MACF1: variants seen among roughly 807,000 people sequenced by gnomAD.
The protein encoded by MACF1 is microtubule actin crosslinking factor 1, also known as microtubule-actin cross-linking factor 1.
A neutral mutation model predicts 854.8 loss-of-function variants in MACF1; 193 were observed. The ratio of observed to expected loss-of-function variants is 0.23; its 90% CI spans 0.20 to 0.25. MACF1 has a LOEUF of 0.25. Among genes scored for constraint, MACF1 ranks in the 10% least tolerant of loss-of-function variants. The probability of loss-of-function intolerance (pLI) is 1.00; values close to 1 mark genes in which losing one functional copy is unlikely to be tolerated. For synonymous variants in MACF1, 3,185 were observed against 3,226.7 expected (o/e 0.99, Z 0.44); for missense variants, 7,722 against 8,929.1 (o/e 0.86, Z 5.45).
At chr1:39,480,100 G>A in intron 98 of MACF1, 91 bp downstream of exon 98, 1 of 1,192,548 alleles carries the variant, frequency 8.4e-7, no homozygotes, top group Non-Finnish European at 1.2e-6. Context: ...ACTCCAGTGA[G>A]GAGAAGAAAT....
intron 26 of MACF1, among the ~76,000 whole-genome samples, chr1:39,312,756 T>C (rs1384540365): frequency 2.0e-5 from 3 of 148,538 alleles, no homozygotes; most frequent in African/African-American, 7.5e-5. Context: ...ACCCGGGAGG[T>C]GGAGGTTGCA....
At chr1:39,201,151 C>T (rs939146243), upstream of MACF1, among the ~76,000 whole-genome samples, 1 of 152,152 alleles carries the variant, frequency 6.6e-6, no homozygotes, top group African/African-American at 2.4e-5. Flanking sequence ...CTGCTCATTC[C>T]ACAACCAATC....
At chr1:39,093,866 C>T (rs1641873039) in intron 2 of MACF1, among the ~76,000 whole-genome samples, 1 of 151,990 alleles carries the variant, frequency 6.6e-6, no homozygotes, top group African/African-American at 2.4e-5. Context: ...TGGCTCACTG[C>T]AACCTCTGCC....
At chr1:39,411,878 G>A in intron 58 of MACF1, 1 of 1,613,842 alleles carries the variant, frequency 6.2e-7, no homozygotes. Flanking sequence ...TTGGATTGTG[G>A]ATATTTTAAT....
chr1:39,368,031 A>G (rs1313311321), intron 49 of MACF1, 117 bp from the exon 50 acceptor site: 1 of 655,306 alleles, frequency 1.5e-6, no homozygotes, highest in Non-Finnish European at 2.5e-6. Flanking sequence ...ACTGAGTTGC[A>G]TATTTATTGT....
At chr1:39,365,413 A>C (rs1486962734) in intron 49 of MACF1, among the ~76,000 whole-genome samples, 1 of 152,122 alleles carries the variant, frequency 6.6e-6, no homozygotes, top group Middle Eastern at 3.2e-3. Flanking sequence ...CATGACACTC[A>C]AGAGGTCATG....
In MACF1 at chr1:39,287,469, G is replaced by T. The variant is rs756223535; in HGVS notation, c.1692G>T (p.Met564Ile). The T allele has an allele frequency of 6.2e-6, 10 of 1,614,062 alleles. No individual in the cohort carries two copies. The highest frequency in any genetic ancestry group is 7.6e-6 in the Non-Finnish European group (9 of 1,180,036). Residue 564 changes from methionine to isoleucine, a missense_variant, in exon 15 of 101, where the codon ATG (methionine) becomes ATT (isoleucine). Met to Ile is a conservative substitution (Grantham distance 10). Around this residue, in one of 15 missense-constraint regions of MACF1, gnomAD observed 1,137 missense variants for 1,263.0 expected, o/e 0.90. Transcript: ENST00000564288. ...CTACCTCCTGGTTCCGAAAGCCTAT[G>T]ACTCGGGCTGAACTTGTGGCCATCA... ...SSSTSWFRKP[M>I]TRAELVAISS...
intron 93 of MACF1, among the ~76,000 whole-genome samples, chr1:39,462,521 A>G (rs190874838): frequency 1.3e-5 from 2 of 149,212 alleles, no homozygotes; most frequent in Non-Finnish European, 1.5e-5. Context: ...CCTGGGCAAC[A>G]TAGTATGATT....
In MACF1 at chr1:39,429,886, A is replaced by G. The variant is rs748799816; in HGVS notation, c.16948A>G (p.Ile5650Val). The G allele has an allele frequency of 1.9e-6, 3 of 1,614,026 alleles. No homozygotes were observed. The highest frequency in any genetic ancestry group is 1.3e-5 in the African/African-American group (1 of 74,930). ...TGGTATAAAGACTCGTTACGCAGAC[A>G]TCACAGTTACTAGCTCCAAGGCCCT... ...LDGIKTRYADITVTSSKALRT... is the reference protein window; with the variant it reads ...LDGIKTRYADVTVTSSKALRT... The change falls in exon 65 of 101, where the codon ATC (isoleucine) becomes GTC (valine). Residue 5650 changes from isoleucine (I) to valine (V), a missense_variant. This residue lies in a region of MACF1 where 2,807 missense variants were observed against 3,235.8 expected (regional missense o/e 0.87). Transcript: ENST00000564288.
At chr1:39,271,468 C>T (rs1435922740) in intron 6 of MACF1, among the ~76,000 whole-genome samples, 2 of 152,158 alleles carry the variant, frequency 1.3e-5, no homozygotes, top group African/African-American at 4.8e-5. Flanking sequence ...ATGATCCAGT[C>T]GTCTCCCACC....
intron 49 of MACF1, among the ~76,000 whole-genome samples, chr1:39,365,569 A>G (rs1648629587): frequency 6.6e-6 from 1 of 152,182 alleles, no homozygotes; most frequent in African/African-American, 2.4e-5. Flanking sequence ...AGGATATCCA[A>G]CCTGTATCAT....
intron 2 of MACF1, among the ~76,000 whole-genome samples, chr1:39,137,049 TTTG>T (rs1369579462): frequency 2.0e-5 from 3 of 152,096 alleles, no homozygotes; most frequent in African/African-American, 2.4e-5. Context: ...TTTTTCAAAG[TTTG>T]TTATTTTTTT....
intron 58 of MACF1, among the ~76,000 whole-genome samples, chr1:39,420,431 C>T (rs959696595): frequency 1.3e-5 from 2 of 152,182 alleles, no homozygotes; most frequent in African/African-American, 4.8e-5. Context: ...GGAATTATAG[C>T]AGTTGTTTTT....
chr1:39,287,604 A>G, intron 15 of MACF1, 42 bp downstream of exon 15: 1 of 1,606,154 alleles, frequency 6.2e-7, no homozygotes, highest in Non-Finnish European at 8.5e-7. Context: ...ACTGATGTTT[A>G]CTGGATCTGG....
intron 58 of MACF1, chr1:39,410,946 C>A: frequency 6.2e-7 from 1 of 1,613,986 alleles, no homozygotes; most frequent in Admixed American, 1.7e-5. Flanking sequence ...ACAGTGCAAA[C>A]CCTCCTCATG....
intron 24 of MACF1, among the ~76,000 whole-genome samples, chr1:39,310,031 G>T (rs1646269443): frequency 6.6e-6 from 1 of 152,186 alleles, no homozygotes; most frequent in South Asian, 2.1e-4. Context: ...GTTATGTCCA[G>T]TGGGGCACAA....
chr1:39,433,168 T>C lies in MACF1; in HGVS notation c.17565+13T>C, dbSNP rs1304812232. 2.0e-6 allele frequency: 3 copies of C among 1,471,174 alleles called. No individual in the cohort carries two copies. The Admixed American group carries it at 5.2e-5, about 26-fold the overall frequency. The allele number at this position is 1,471,174 out of a possible 1,614,324, so 91.1% of individuals were successfully genotyped here. ...AACTGTATTACAGGTGAATTACATT[T>C]ATTTATTTGCCATATTGTTCCTGTT... On this transcript the variant is annotated intron_variant, in intron 68 of 100. Transcript: ENST00000564288.
intron 48 of MACF1, 52 bp from the exon 49 acceptor site, chr1:39,361,308 G>C: frequency 1.9e-6 from 3 of 1,555,210 alleles, no homozygotes; most frequent in Non-Finnish European, 2.6e-6. Context: ...TTGTGGCTCA[G>C]ATGTCCTGGA....
chr1:39,140,324 C>G (rs1290676646), intron 2 of MACF1, among the ~76,000 whole-genome samples: 1 of 152,188 alleles, frequency 6.6e-6, no homozygotes, highest in Non-Finnish European at 1.5e-5. Flanking sequence ...CGATTCTTAT[C>G]ACTTGCTACT....
Sources: allele counts gnomAD v4.1 joint callset (sites outside exome capture counted in the v4.1 genomes callset), GRCh38; gene constraint gnomAD v4.1.1; regional missense constraint gnomAD v4.1.1; transcripts MANE v1.5; gene names NCBI Gene and HGNC (gene_info 2026-07-23, HGNC 2026-07-21).